Variants in GPSM1 observed in about 807,000 individuals in gnomAD.
GPSM1 encodes G protein signaling modulator 1.
In GPSM1, 48 loss-of-function variants were observed where a neutral mutation model predicts 70.5. The ratio of observed to expected loss-of-function variants is 0.68; its 90% CI spans 0.54 to 0.87. GPSM1 has a LOEUF of 0.87. Ranked by LOEUF, GPSM1 falls within the 40% of genes least tolerant of loss-of-function variation. The pLI is 0.00. For synonymous variants in GPSM1, 416 were observed against 430.1 expected (o/e 0.97, Z 0.41); for missense variants, 981 against 972.6 (o/e 1.01, Z -0.11).
chr9:136,341,417 G>C lies in GPSM1; in HGVS notation c.1207+424G>C. 1 of 1,416,622 alleles carries C rather than the reference G, an allele frequency of 7.1e-7. No homozygotes were observed. The highest frequency in any genetic ancestry group is 1.4e-5 in the African/African-American group (1 of 69,224). The allele number at this position is 1,416,622 out of a possible 1,614,324, so 87.8% of individuals were successfully genotyped here. A position where few individuals can be genotyped will look rare whatever the true frequency, so the allele number is the denominator to read the frequency against. On this transcript the variant is annotated intron_variant, in intron 9 of 13. Transcript: ENST00000440944. The surrounding 1 kb of genome is among the most constrained non-coding windows in gnomAD (Gnocchi z 6.7). Reference sequence around the variant, plus strand: ...GGGCTGTGGGAGCCCTATGTGCCTGGGGCAGTAATCAGGCAAGGCCCAAGG... The same window carrying C: ...GGGCTGTGGGAGCCCTATGTGCCTGCGGCAGTAATCAGGCAAGGCCCAAGG...
At chr9:136,329,864 C>T (rs1359229969) in intron 1 of GPSM1, among the ~76,000 whole-genome samples, 4 of 138,418 alleles carry the variant, frequency 2.9e-5, no homozygotes, top group Admixed American at 7.1e-5. Context: ...TCGGTGGGGA[C>T]GGGCCCCTGG....
chr9:136,332,839 CAAAAAAAA>C (rs150554566), intron 1 of GPSM1, among the ~76,000 whole-genome samples: 8 of 66,108 alleles, frequency 1.2e-4, no homozygotes, highest in Non-Finnish European at 1.1e-4. Context: ...CCATCTCTAC[CAAAAAAAA>C]AAAAAAAAAA....
chr9:136,343,908 G>A lies in GPSM1; in HGVS notation c.1207+2915G>A, dbSNP rs369263211. 4.6e-5 allele frequency among the ~76,000 whole-genome samples: 7 copies of A among 152,206 alleles called. No individual in the cohort carries two copies. Among genetic ancestry groups the A allele is most frequent in the African/African-American group, 1.7e-4 (7 of 41,450 alleles). Reference sequence around the variant, plus strand: ...CGTGCGCCTAAGAGGGCCCAGAGGGGACAGTGTGTGGGAAATGGCACACAG... The same window carrying A: ...CGTGCGCCTAAGAGGGCCCAGAGGGAACAGTGTGTGGGAAATGGCACACAG... On this transcript the variant is annotated intron_variant, in intron 9 of 13. Coordinates refer to ENST00000440944, the MANE Select transcript of GPSM1 (RefSeq NM_001145638.3). This position sits in a 1 kb window ranked among gnomAD's most constrained non-coding sequence, Gnocchi z 6.0.
rs937699099 is a variant in GPSM1 at position 136,342,352 on chromosome 9, C to T, written c.1207+1359C>T. On this transcript the variant is annotated intron_variant, in intron 9 of 13. Coordinates refer to ENST00000440944, the MANE Select transcript of GPSM1 (RefSeq NM_001145638.3). This position sits in a 1 kb window ranked among gnomAD's most constrained non-coding sequence, Gnocchi z 5.5. ...CGGAGGCTGCGGCTCTGGGTCCTCC[C>T]GACGTTTTCTTTCTTGGAGCCAAGG... 9.2e-5 allele frequency among the ~76,000 whole-genome samples: 14 copies of T among 152,182 alleles called. No homozygotes were observed. The highest frequency in any genetic ancestry group is 5.2e-4 in the Admixed American group (8 of 15,290).
At chr9:136,350,101 A>G (rs1832623837) in intron 11 of GPSM1, among the ~76,000 whole-genome samples, 1 of 152,050 alleles carries the variant, frequency 6.6e-6, no homozygotes, top group South Asian at 2.1e-4. Context: ...GGCTCTTCCC[A>G]GCCTTCAGGT....
intron 12 of GPSM1, 22 bp downstream of exon 12, chr9:136,355,868 GC>G: frequency 6.3e-7 from 1 of 1,588,482 alleles, no homozygotes. Flanking sequence ...CCTCAGCCGG[GC>G]CCTCCCTTGG....
chr9:136,358,146 C>G lies in GPSM1; in HGVS notation c.1954C>G (p.Leu652Val). ...GCGCATGGACGAGCAGCGGGTGGAC[C>G]TCGCCGGGGGCCCGGAGCAGGGGGC... ...AKRMDEQRVD[L>V]AGGPEQGAGG... The change falls in exon 14 of 14, where the codon CTC (leucine) becomes GTC (valine). Residue 652 changes from leucine (L) to valine (V), a missense_variant. Coordinates refer to ENST00000440944, the MANE Select transcript of GPSM1 (RefSeq NM_001145638.3). The G allele has an allele frequency of 6.2e-7, 1 of 1,606,218 alleles. No individual in the cohort carries two copies. The highest frequency in any genetic ancestry group is 1.1e-5 in the South Asian group (1 of 90,434).
At chr9:136,348,621 CCA>C (rs1832582451) in intron 9 of GPSM1, 74 bp from the exon 10 acceptor site, 1 of 1,153,110 alleles carries the variant, frequency 8.7e-7, no homozygotes, top group African/African-American at 1.5e-5. Flanking sequence ...CCTTGGCCCC[CCA>C]GAGACTCTGG....
intron 9 of GPSM1, among the ~76,000 whole-genome samples, chr9:136,345,411 A>G (rs1483519215): frequency 6.6e-6 from 1 of 152,168 alleles, no homozygotes; most frequent in East Asian, 1.9e-4. Context: ...GCCTCAGCCG[A>G]CTCTGCAGAC....
chr9:136,339,864 C>T, intron 8 of GPSM1, 49 bp downstream of exon 8: 1 of 1,214,824 alleles, frequency 8.2e-7, no homozygotes, highest in Non-Finnish European at 1.2e-6. Context: ...CAGCCCACTC[C>T]AGACGGGCCG....
intron 11 of GPSM1, among the ~76,000 whole-genome samples, chr9:136,351,319 G>A (rs916249787): frequency 6.6e-6 from 1 of 151,922 alleles, no homozygotes; most frequent in East Asian, 1.9e-4. Flanking sequence ...CGGGGGTCCC[G>A]GTGATCCCCC....
chr9:136,354,817 G>C (rs563773265), intron 11 of GPSM1: 1 of 993,724 alleles, frequency 1.0e-6, no homozygotes, highest in East Asian at 1.1e-4. Flanking sequence ...GCTGTGTAGG[G>C]CATGGACACA....
intron 1 of GPSM1, among the ~76,000 whole-genome samples, chr9:136,328,246 G>C (rs557091094): frequency 6.6e-6 from 1 of 152,222 alleles, no homozygotes; most frequent in African/African-American, 2.4e-5. Context: ...TCTACTCTCC[G>C]GGCACATTCC....
chr9:136,353,364 G>A (rs1832723321), intron 11 of GPSM1, among the ~76,000 whole-genome samples: 1 of 152,198 alleles, frequency 6.6e-6, no homozygotes, highest in African/African-American at 2.4e-5. Context: ...TTGGGGCAAG[G>A]GAGAGGTTAG....
Position 136,341,631 on chromosome 9 carries a change from G to T in GPSM1, c.1207+638G>T. The T allele has an allele frequency of 2.0e-6, 2 of 1,006,214 alleles. No homozygotes were observed. Among genetic ancestry groups the T allele is most frequent in the Non-Finnish European group, 2.4e-6 (2 of 841,776 alleles). The allele number at this position is 1,006,214 out of a possible 1,614,324, so 62.3% of individuals were successfully genotyped here. A position where few individuals can be genotyped will look rare whatever the true frequency, so the allele number is the denominator to read the frequency against. ...GGTGGGTGAGGGGCAGGCTTGGGGGGAGCAGCTGCCCCACCCATGTGTCCC... is the reference window on the plus strand; with the variant it reads ...GGTGGGTGAGGGGCAGGCTTGGGGGTAGCAGCTGCCCCACCCATGTGTCCC... On this transcript the variant is annotated intron_variant, in intron 9 of 13. Transcript: ENST00000440944. The surrounding 1 kb of genome is among the most constrained non-coding windows in gnomAD (Gnocchi z 6.7).
At chr9:136,357,360 C>T (rs868971944) in intron 13 of GPSM1, among the ~76,000 whole-genome samples, 2 of 152,200 alleles carry the variant, frequency 1.3e-5, no homozygotes, top group East Asian at 1.9e-4. Context: ...CGGGGCCAGG[C>T]GTCCGACCAG....
chr9:136,346,926 C>T (rs1240996921), intron 9 of GPSM1, among the ~76,000 whole-genome samples: 2 of 152,190 alleles, frequency 1.3e-5, no homozygotes, highest in Non-Finnish European at 2.9e-5. Context: ...GGCCCAGAAC[C>T]CAGGGCTAAC....
Position 136,334,605 on chromosome 9 carries a change from A to G in GPSM1, c.227A>G (p.Tyr76Cys). 6.2e-7 allele frequency: 1 copy of G among 1,613,310 alleles called. No homozygotes were observed. The highest frequency in any genetic ancestry group is 8.5e-7 in the Non-Finnish European group (1 of 1,180,006). ...ATCTACAGCCAGCTGGGCAACGCCTACTTCTACCTGAAGGAGCACGGCCGG... is the reference window on the plus strand; with the variant it reads ...ATCTACAGCCAGCTGGGCAACGCCTGCTTCTACCTGAAGGAGCACGGCCGG... Reference protein sequence around the residue: ...SAIYSQLGNAYFYLKEHGRAL... With the variant: ...SAIYSQLGNACFYLKEHGRAL... Residue 76 changes from tyrosine to cysteine, a missense_variant, in exon 2 of 14, where the codon TAC becomes TGC. Tyr to Cys is a radical substitution (Grantham distance 194). Coordinates refer to ENST00000440944, the MANE Select transcript of GPSM1 (RefSeq NM_001145638.3).
chr9:136,351,020 C>T (rs1042043424), intron 11 of GPSM1, among the ~76,000 whole-genome samples: 2 of 152,192 alleles, frequency 1.3e-5, no homozygotes, highest in Non-Finnish European at 2.9e-5. Flanking sequence ...AGTCCGGGTT[C>T]GGAGGTCAGC....
Sources: gnomAD v4.1 joint callset for allele counts (sites outside exome capture counted in the v4.1 genomes callset) on GRCh38, gnomAD v4.1.1 for gene constraint, Gnocchi (gnomAD v3.1) non-coding constraint, MANE v1.5 for transcripts, NCBI Gene and HGNC (gene_info 2026-07-23, HGNC 2026-07-21) for gene names.